The following TBC1D31 variants were observed in gnomAD, a reference collection of about 807,000 sequenced individuals.
TBC1D31 encodes the protein TBC1 domain family member 31.
In TBC1D31, 99 loss-of-function variants were observed where a neutral mutation model predicts 132.9. The ratio of observed to expected loss-of-function variants is 0.74; its 90% CI spans 0.63 to 0.88. The LOEUF (loss-of-function observed/expected upper bound fraction) is 0.88. Among genes scored for constraint, TBC1D31 ranks in the 40% least tolerant of loss-of-function variants. The pLI is 0.00. For synonymous variants in TBC1D31, 385 were observed against 419.4 expected (o/e 0.92, Z 1.00); for missense variants, 1,134 against 1,256.6 (o/e 0.90, Z 1.48).
Position 123,129,102 on chromosome 8 carries a change from G to T in TBC1D31, c.2154G>T (p.Gln718His). Reference sequence around the variant, plus strand: ...AAGATATGCAAGCTAAAGTCGACCAGCAAAGAGTTGAAGATGAAGCTTGGT... The same window carrying T: ...AAGATATGCAAGCTAAAGTCGACCATCAAAGAGTTGAAGATGAAGCTTGGT... ...TVEDMQAKVDQQRVEDEAWYQ... is the reference protein window; with the variant it reads ...TVEDMQAKVDHQRVEDEAWYQ... Residue 718 changes from glutamine (Q) to histidine (H), a missense_variant, in exon 15 of 22, where the codon CAG (glutamine) becomes CAT (histidine). Transcript: ENST00000287380. 1 of 1,607,782 alleles carries T rather than the reference G, an allele frequency of 6.2e-7. No homozygotes were observed. Among genetic ancestry groups the T allele is most frequent in the African/African-American group, 1.3e-5 (1 of 74,908 alleles).
At chr8:123,138,289 G>C (rs1821292922) in intron 17 of TBC1D31, among the ~76,000 whole-genome samples, 1 of 152,100 alleles carries the variant, frequency 6.6e-6, no homozygotes, top group Non-Finnish European at 1.5e-5. Context: ...GCTTTCTTCT[G>C]TTGTTAGATG....
intron 16 of TBC1D31, 93 bp from the exon 17 acceptor site, chr8:123,134,021 T>G: frequency 1.1e-6 from 1 of 905,674 alleles, no homozygotes. Context: ...TTAAATACTG[T>G]TAGTAGGTCG....
chr8:123,135,331 G>A (rs1488616013), intron 17 of TBC1D31, among the ~76,000 whole-genome samples: 1 of 152,166 alleles, frequency 6.6e-6, no homozygotes, highest in Non-Finnish European at 1.5e-5. Context: ...TAGGAAAAAT[G>A]TTTTGTTACT....
chr8:123,120,105 A>G lies in TBC1D31; in HGVS notation c.1487A>G (p.Tyr496Cys), dbSNP rs201349972. 5.4e-5 allele frequency: 87 copies of G among 1,611,052 alleles called. No individual in the cohort carries two copies. The highest frequency in any genetic ancestry group is 7.0e-5 in the Non-Finnish European group (82 of 1,178,640). ...HWSVIFSDTPYLPLLAFPFVK... is the reference protein window; with the variant it reads ...HWSVIFSDTPCLPLLAFPFVK... The stretch of plus-strand genomic sequence containing the variant: ...TCTGTCATTTTTAGTGACACACCAT[A>G]TCTTCCACTCTTGGCATTTCCATTT... Residue 496 changes from tyrosine to cysteine, a missense_variant, in exon 11 of 22, where the codon TAT (tyrosine) becomes TGT (cysteine). Coordinates refer to ENST00000287380, the MANE Select transcript of TBC1D31 (RefSeq NM_145647.4).
At chr8:123,139,697 C>A (rs1454717058) in intron 17 of TBC1D31, among the ~76,000 whole-genome samples, 18 of 152,230 alleles carry the variant, frequency 1.2e-4, no homozygotes. Flanking sequence ...CACAGCCTTA[C>A]ACATGCACAT....
intron 16 of TBC1D31, among the ~76,000 whole-genome samples, chr8:123,130,824 G>A (rs1370803501): frequency 2.6e-5 from 4 of 151,510 alleles, no homozygotes; most frequent in Non-Finnish European, 5.9e-5. Flanking sequence ...ATTTCATCAT[G>A]TTGGCTAGGC....
intron 2 of TBC1D31, 48 bp from the exon 3 acceptor site, chr8:123,082,654 G>A (rs1815287903): frequency 7.5e-7 from 1 of 1,339,446 alleles, no homozygotes; most frequent in Non-Finnish European, 1.0e-6. Context: ...CATGGAATTT[G>A]TAATTATTGG....
intron 1 of TBC1D31, among the ~76,000 whole-genome samples, chr8:123,074,087 A>G (rs1376087114): frequency 2.6e-5 from 4 of 150,990 alleles, no homozygotes; most frequent in African/African-American, 9.8e-5. Context: ...GGTCGGATGC[A>G]GTGGCGCGAT....
At chr8:123,111,244 T>C (rs1436272351) in intron 10 of TBC1D31, among the ~76,000 whole-genome samples, 1 of 152,226 alleles carries the variant, frequency 6.6e-6, no homozygotes, top group African/African-American at 2.4e-5. Flanking sequence ...ACATCCATTA[T>C]TTCACCAGAG....
chr8:123,105,512 A>G (rs755371962), intron 8 of TBC1D31, 48 bp downstream of exon 8: 2 of 1,496,190 alleles, frequency 1.3e-6, no homozygotes, highest in Non-Finnish European at 1.8e-6. Flanking sequence ...GCTGTAGACA[A>G]GTCTTGTGAT....
intron 5 of TBC1D31, among the ~76,000 whole-genome samples, chr8:123,095,014 TC>T (rs1414395104): frequency 2.0e-5 from 3 of 152,208 alleles, no homozygotes; most frequent in African/African-American, 7.2e-5. Context: ...TCTTTTTTTT[TC>T]CTTATAGTTT....
intron 11 of TBC1D31, among the ~76,000 whole-genome samples, chr8:123,124,351 C>T (rs538781927): frequency 1.3e-5 from 2 of 152,304 alleles, no homozygotes; most frequent in Admixed American, 1.3e-4. Flanking sequence ...AGACTCTCCA[C>T]ACAATTATCA....
chr8:123,077,029 G>A (rs1048615840), intron 1 of TBC1D31, 82 bp from the exon 2 acceptor site: 9 of 1,342,882 alleles, frequency 6.7e-6, no homozygotes, highest in East Asian at 2.5e-5. Context: ...ATGAACAGAC[G>A]AAATGCTTTA....
chr8:123,081,901 A>G (rs1366070110), intron 2 of TBC1D31, among the ~76,000 whole-genome samples: 1 of 152,218 alleles, frequency 6.6e-6, no homozygotes, highest in African/African-American at 2.4e-5. Flanking sequence ...GAATTATGGG[A>G]GCCACAATTC....
chr8:123,096,690 T>A (rs1489265022), intron 5 of TBC1D31, among the ~76,000 whole-genome samples: 1 of 152,264 alleles, frequency 6.6e-6, no homozygotes, highest in Non-Finnish European at 1.5e-5. Flanking sequence ...TAGCAGACAC[T>A]TGAAACATAA....
At chr8:123,162,017 C>CAAAAAAAAAAAAAA in the TBC1D31 span, among the ~76,000 whole-genome samples, 1 of 76,118 alleles carries the variant, frequency 1.3e-5, no homozygotes, top group Non-Finnish European at 2.5e-5. Context: ...GAGTCCGACT[C>CAAAAAAAAAAAAAA]AAAAAAAAAA....
At chr8:123,072,912 G>A in intron 1 of TBC1D31, 66 bp downstream of exon 1, 1 of 1,482,374 alleles carries the variant, frequency 6.7e-7, no homozygotes, top group Non-Finnish European at 9.2e-7. Flanking sequence ...GGGGACGCCG[G>A]GCGTCAGGCA....
chr8:123,158,624 G>A, the TBC1D31 span, among the ~76,000 whole-genome samples: 10 of 152,166 alleles, frequency 6.6e-5, no homozygotes, highest in Non-Finnish European at 1.3e-4. Flanking sequence ...ATTGGGGGTG[G>A]AATTTTGTTA....
chr8:123,101,014 A>G lies in TBC1D31; in HGVS notation c.1032+7A>G, dbSNP rs771695776. On this transcript the variant is annotated splice_region_variant and intron_variant, in intron 7 of 21. Transcript: ENST00000287380. ...AACACAAGAAATAAATAAGGTATGT[A>G]TGATGAAGTAATCAACATCAGCTTT... The G allele has an allele frequency of 1.9e-6, 3 of 1,587,182 alleles. No individual in the cohort carries two copies. Among genetic ancestry groups the G allele is most frequent in the East Asian group, 2.2e-5 (1 of 44,660 alleles).
Sources: gnomAD v4.1 joint callset for allele counts (sites outside exome capture counted in the v4.1 genomes callset) on GRCh38, gnomAD v4.1.1 for gene constraint, MANE v1.5 for transcripts, NCBI Gene and HGNC (gene_info 2026-07-23, HGNC 2026-07-21) for gene names.